The following WWOX variants were observed in gnomAD, a reference collection of about 807,000 sequenced individuals.
WWOX encodes the protein WW domain-containing oxidoreductase.
A neutral mutation model predicts 46.2 loss-of-function variants in WWOX; 69 were observed. The ratio of observed to expected loss-of-function variants is 1.49; its 90% CI spans 1.23 to 1.82. The LOEUF (loss-of-function observed/expected upper bound fraction) is 1.82. Among genes scored for constraint, WWOX ranks in the 40% most tolerant of loss-of-function variants. The pLI is 0.00. For missense variants in WWOX, 919 were observed against 542.6 expected (o/e 1.69, Z -6.89); for synonymous variants, 359 against 202.6 (o/e 1.77, Z -6.56).
chr16:78,655,976 C>A (rs188881302), intron 8 of WWOX, among the ~76,000 whole-genome samples: 5 of 151,808 alleles, frequency 3.3e-5, no homozygotes, highest in African/African-American at 9.7e-5. Context: ...CTTGGTTTTG[C>A]CAGGGGGAAA....
chr16:78,924,729 G>T (rs181901755), intron 8 of WWOX, among the ~76,000 whole-genome samples: 239 of 152,272 alleles, frequency 1.6e-3, no homozygotes, highest in African/African-American at 5.2e-3. Context: ...TTATAATCTG[G>T]TCATTCTGTA....
intron 8 of WWOX, among the ~76,000 whole-genome samples, chr16:78,495,297 C>T (rs2084888615): frequency 1.3e-5 from 2 of 151,804 alleles, no homozygotes; most frequent in South Asian, 2.1e-4. Context: ...CCCGCCACCA[C>T]ACCCAGCTAA....
chr16:78,929,467 A>T (rs2045571975), intron 8 of WWOX, among the ~76,000 whole-genome samples: 1 of 152,160 alleles, frequency 6.6e-6, no homozygotes, highest in African/African-American at 2.4e-5. Flanking sequence ...CTGCTTAAAA[A>T]TCTATTTCCA....
chr16:78,815,250 C>A (rs1301191673), intron 8 of WWOX, among the ~76,000 whole-genome samples: 1 of 151,232 alleles, frequency 6.6e-6, no homozygotes, highest in Non-Finnish European at 1.5e-5. Context: ...CCTTAAGCCT[C>A]GGAGATGGAG....
intron 8 of WWOX, among the ~76,000 whole-genome samples, chr16:78,990,854 C>A (rs2046873831): frequency 6.6e-6 from 1 of 152,134 alleles, no homozygotes; most frequent in Non-Finnish European, 1.5e-5. Flanking sequence ...GTTCACTTGG[C>A]ATTTTTTAAA....
chr16:78,792,648 G>A (rs1454033549), intron 8 of WWOX, among the ~76,000 whole-genome samples: 5 of 152,188 alleles, frequency 3.3e-5, no homozygotes, highest in Admixed American at 3.3e-4. Context: ...TTTTAGTAAG[G>A]AAAGAGGAAG....
intron 8 of WWOX, among the ~76,000 whole-genome samples, chr16:78,577,827 T>C (rs990290781): frequency 6.6e-5 from 10 of 152,164 alleles, no homozygotes; most frequent in Non-Finnish European, 1.5e-4. Flanking sequence ...TTAGCACATG[T>C]ACAGATGACC....
intron 8 of WWOX, among the ~76,000 whole-genome samples, chr16:79,169,489 G>A (rs1217648696): frequency 1.3e-5 from 2 of 152,218 alleles, no homozygotes; most frequent in Non-Finnish European, 2.9e-5. Context: ...GGGCCTGTAA[G>A]CCTTTTTTGC....
chr16:78,537,792 G>T (rs965159626), intron 8 of WWOX, among the ~76,000 whole-genome samples: 1 of 152,062 alleles, frequency 6.6e-6, no homozygotes, highest in African/African-American at 2.4e-5. Flanking sequence ...TGAAAGGGAG[G>T]TAATCAGGGG....
At chr16:78,828,623 C>G (rs182486299) in intron 8 of WWOX, among the ~76,000 whole-genome samples, 2 of 152,074 alleles carry the variant, frequency 1.3e-5, no homozygotes, top group Non-Finnish European at 2.9e-5. Context: ...TAATAATAAA[C>G]GTGATATAAT....
intron 5 of WWOX, among the ~76,000 whole-genome samples, chr16:78,262,068 C>G (rs2079255951): frequency 9.7e-6 from 1 of 103,388 alleles, no homozygotes; most frequent in African/African-American, 4.1e-5. Context: ...CTGCTCCAGC[C>G]TGGGCAAAAA....
chr16:78,490,859 A>G (rs924917969), intron 8 of WWOX, among the ~76,000 whole-genome samples: 12 of 152,078 alleles, frequency 7.9e-5, no homozygotes, highest in African/African-American at 2.9e-4. Flanking sequence ...ACCCATCACC[A>G]TTTGCTCTAC....
chr16:78,960,225 A>G (rs1265907427), intron 8 of WWOX, among the ~76,000 whole-genome samples: 2 of 152,210 alleles, frequency 1.3e-5, no homozygotes, highest in African/African-American at 4.8e-5. Flanking sequence ...ACCAAAAATG[A>G]CCTTAATTTG....
chr16:78,532,574 A>T (rs35224829), intron 8 of WWOX, among the ~76,000 whole-genome samples: 2,163 of 152,260 alleles, frequency 0.014, 23 homozygotes, highest in African/African-American at 0.027. Flanking sequence ...TTTTCATGCT[A>T]CTGATAAAGG....
At chr16:79,040,565 T>C (rs1344721132) in intron 8 of WWOX, among the ~76,000 whole-genome samples, 1 of 152,148 alleles carries the variant, frequency 6.6e-6, no homozygotes, top group East Asian at 1.9e-4. Flanking sequence ...TATCAGCCAC[T>C]GGGCCTGGCC....
At chr16:79,109,180 CTG>C (rs904775664) in intron 8 of WWOX, among the ~76,000 whole-genome samples, 8 of 152,296 alleles carry the variant, frequency 5.3e-5, no homozygotes, top group Admixed American at 3.3e-4. Context: ...TTCCAGGACT[CTG>C]TGTAAACTGT....
intron 8 of WWOX, among the ~76,000 whole-genome samples, chr16:78,859,474 T>C (rs1490714217): frequency 6.6e-6 from 1 of 152,146 alleles, no homozygotes; most frequent in Non-Finnish European, 1.5e-5. Context: ...TGTTAAAAAT[T>C]AATTAAAAAT....
At position 78,262,932 on chromosome 16, in the gene WWOX, A is replaced by G. The variant is rs142569089; in HGVS notation, c.516+98643A>G. Among the ~76,000 whole-genome samples the G allele has an allele frequency of 3.0e-3, 461 of 152,292 alleles. 3 individuals carry two copies. The highest frequency in any genetic ancestry group is 4.3e-3 in the Non-Finnish European group (290 of 68,018). ...TCCCTGAGGGCTTTGAAACACTATC[A>G]AACAACAAGGAGAGACAAAACAGTT... On this transcript the variant is annotated intron_variant, in intron 5 of 8. Coordinates refer to ENST00000566780, the MANE Select transcript of WWOX (RefSeq NM_016373.4).
chr16:78,616,539 C>G (rs1196459350), intron 8 of WWOX, among the ~76,000 whole-genome samples: 2 of 151,546 alleles, frequency 1.3e-5, no homozygotes, highest in Non-Finnish European at 2.9e-5. Context: ...AGGCAGGTGT[C>G]TCGGTGGATC....
Sources: gnomAD v4.1 joint callset for allele counts (sites outside exome capture counted in the v4.1 genomes callset) on GRCh38, gnomAD v4.1.1 for gene constraint, MANE v1.5 for transcripts, NCBI Gene and HGNC (gene_info 2026-07-23, HGNC 2026-07-21) for gene names.